The following GLIS3 variants were observed in gnomAD, a reference collection of about 807,000 sequenced individuals.
GLIS3 encodes zinc finger protein GLIS3.
In GLIS3, 53 loss-of-function variants were observed where a neutral mutation model predicts 78.6. That is an observed-to-expected ratio of 0.67 (90% CI 0.54 to 0.85). The LOEUF is 0.85. GLIS3 is among the 40% of genes least tolerant of loss of function. The pLI, the probability that GLIS3 is intolerant of heterozygous loss-of-function variation, is 0.00. For missense variants in GLIS3, 1,703 were observed against 1,231.1 expected, an observed-to-expected ratio of 1.38 and a Z score of -5.74; for synonymous variants, 684 against 509.9, an observed-to-expected ratio of 1.34 and a Z score of -4.60.
intron 2 of GLIS3, among the ~76,000 whole-genome samples, chr9:4,240,134 A>C (rs1823153605): frequency 7.1e-6 from 1 of 141,376 alleles, no homozygotes; most frequent in South Asian, 2.3e-4. Context: ...GCGGTCTCCA[A>C]CCTTTGTGGC....
chr9:4,223,588 G>A (rs1054476591), intron 2 of GLIS3, among the ~76,000 whole-genome samples: 1 of 151,732 alleles, frequency 6.6e-6, no homozygotes. Context: ...TGTTTTAATC[G>A]GCCTCTAAAA....
the GLIS3 span, among the ~76,000 whole-genome samples, chr9:4,485,719 C>CTTTT: frequency 6.3e-5 from 9 of 143,254 alleles, no homozygotes; most frequent in South Asian, 1.3e-3. Context: ...CCTGCCTCTG[C>CTTTT]TTTTTTTTTT....
At chr9:3,903,267 A>T (rs2094501813) in intron 6 of GLIS3, among the ~76,000 whole-genome samples, 1 of 152,214 alleles carries the variant, frequency 6.6e-6, no homozygotes, top group South Asian at 2.1e-4. Flanking sequence ...TCTTAAAAAC[A>T]ACTTGGATTG....
intron 4 of GLIS3, among the ~76,000 whole-genome samples, chr9:4,069,469 C>A (rs184292939): frequency 1.3e-5 from 2 of 152,178 alleles, no homozygotes; most frequent in East Asian, 3.9e-4. Flanking sequence ...TGAGCCTCAA[C>A]GCACACTAAA....
At chr9:4,050,404 A>G (rs138522941) in intron 4 of GLIS3, among the ~76,000 whole-genome samples, 1,528 of 152,134 alleles carry the variant, frequency 0.01, 14 homozygotes, top group Non-Finnish European at 0.017. Flanking sequence ...CAATGAGAAC[A>G]CTTGTACACA....
intron 7 of GLIS3, 72 bp downstream of exon 7, chr9:3,898,619 G>C: frequency 1.9e-6 from 3 of 1,589,056 alleles, no homozygotes; most frequent in African/African-American, 1.3e-5. Context: ...TCTCACGTGA[G>C]CATTCCTTTT....
the GLIS3 span, among the ~76,000 whole-genome samples, chr9:4,488,733 G>A: frequency 1.3e-5 from 2 of 152,188 alleles, no homozygotes; most frequent in African/African-American, 4.8e-5. Flanking sequence ...GGCCAGGCTG[G>A]TCTCGAACTC....
chr9:3,936,941 G>A, intron 5 of GLIS3, 87 bp downstream of exon 5: 1 of 1,570,626 alleles, frequency 6.4e-7, no homozygotes, highest in Non-Finnish European at 8.8e-7. Flanking sequence ...AGACCATAAA[G>A]CAAACACTTC....
rs190746257 is a variant in GLIS3 at position 3,991,017 on chromosome 9, T to C, written c.1711-53828A>G. Among the ~76,000 whole-genome samples, 3 of 152,250 alleles carry C rather than the reference T, an allele frequency of 2.0e-5. No homozygotes were observed. In the East Asian group the frequency reaches 5.8e-4, roughly 29 times the overall value. ...ATGTTTCTGATGACAAAAATTAGGG[T>C]TAAGGAACTTGACAAGCACCTTAGA... On this transcript the variant is annotated intron_variant, in intron 4 of 10. Coordinates refer to ENST00000381971, the MANE Select transcript of GLIS3 (RefSeq NM_001042413.2).
chr9:4,140,124 G>C (rs1833697972), intron 2 of GLIS3, among the ~76,000 whole-genome samples: 1 of 152,144 alleles, frequency 6.6e-6, no homozygotes, highest in African/African-American at 2.4e-5. Flanking sequence ...TGGAGTGTGA[G>C]ACCAGCCTGG....
intron 4 of GLIS3, among the ~76,000 whole-genome samples, chr9:3,982,804 C>G (rs1425125142): frequency 6.6e-6 from 1 of 152,146 alleles, no homozygotes; most frequent in Non-Finnish European, 1.5e-5. Flanking sequence ...CTTATTTTCT[C>G]CATCCTATAT....
intron 4 of GLIS3, among the ~76,000 whole-genome samples, chr9:3,965,183 C>CTTTTTTTTT (rs1817839410): frequency 8.0e-6 from 1 of 125,364 alleles, no homozygotes; most frequent in African/African-American, 3.0e-5. Flanking sequence ...CTATTTCTTT[C>CTTTTTTTTT]TTTTCTTTTC....
chr9:4,095,088 T>C (rs1274531148), intron 4 of GLIS3, among the ~76,000 whole-genome samples: 1 of 152,194 alleles, frequency 6.6e-6, no homozygotes, highest in African/African-American at 2.4e-5. Context: ...TATTATTAAC[T>C]ATTGTCATCC....
chr9:4,079,628 C>A (rs1828379777), intron 4 of GLIS3, among the ~76,000 whole-genome samples: 1 of 152,114 alleles, frequency 6.6e-6, no homozygotes, highest in African/African-American at 2.4e-5. Flanking sequence ...CCAAGCATGT[C>A]CCCAGTGCTG....
chr9:3,907,605 AACACACAC>A (rs1041005940), intron 6 of GLIS3, among the ~76,000 whole-genome samples: 2 of 92,320 alleles, frequency 2.2e-5, no homozygotes, highest in Non-Finnish European at 4.3e-5. Context: ...CCACCCCCCA[AACACACAC>A]ACACACACAC....
At chr9:3,955,595 A>G (rs542137181) in intron 4 of GLIS3, among the ~76,000 whole-genome samples, 138 of 152,298 alleles carry the variant, frequency 9.1e-4, no homozygotes, top group Admixed American at 1.6e-3. Context: ...GCGTTGGATT[A>G]AAGAACAGGA....
the GLIS3 span, among the ~76,000 whole-genome samples, chr9:4,455,729 G>C: frequency 6.6e-6 from 1 of 152,172 alleles, no homozygotes; most frequent in Non-Finnish European, 1.5e-5. Flanking sequence ...AAGGCATACT[G>C]TGGGGATATT....
chr9:4,383,057 C>T, the GLIS3 span, among the ~76,000 whole-genome samples: 1 of 152,314 alleles, frequency 6.6e-6, no homozygotes, highest in African/African-American at 2.4e-5. Context: ...AGCAAAACTT[C>T]AGCAGTACCA....
chr9:4,444,529 C>A, the GLIS3 span, among the ~76,000 whole-genome samples: 1 of 121,082 alleles, frequency 8.3e-6, no homozygotes. Flanking sequence ...TTTTGTATTC[C>A]AACAACTTCA....
Sources: allele counts gnomAD v4.1 joint callset (sites outside exome capture counted in the v4.1 genomes callset), GRCh38; gene constraint gnomAD v4.1.1; transcripts MANE v1.5; gene names NCBI Gene and HGNC (gene_info 2026-07-23, HGNC 2026-07-21).